The following DIS3L2 variants were observed in gnomAD, a reference collection of about 807,000 sequenced individuals.
The protein encoded by DIS3L2 is DIS3-like exonuclease 2.
In DIS3L2, 34 loss-of-function variants were observed where a neutral mutation model predicts 97.5. The observed-to-expected ratio is 0.35, with a 90% CI of 0.27 to 0.46. The LOEUF (loss-of-function observed/expected upper bound fraction) is 0.46, where lower values mean the gene tolerates loss of function less well. Among genes scored for constraint, DIS3L2 ranks in the 20% least tolerant of loss-of-function variants. DIS3L2 has a pLI of 1.00. For synonymous variants in DIS3L2, 435 were observed against 445.2 expected, an observed-to-expected ratio of 0.98 and a Z score of 0.29; for missense variants, 1,038 against 1,146.0, an observed-to-expected ratio of 0.91 and a Z score of 1.36.
intron 9 of DIS3L2, among the ~76,000 whole-genome samples, chr2:232,203,632 C>A (rs1424362626): frequency 6.6e-6 from 1 of 152,096 alleles, no homozygotes; most frequent in Non-Finnish European, 1.5e-5. Flanking sequence ...AATCTCATTA[C>A]CAGACCTGAT....
chr2:232,338,902 A>C (rs1201554335), downstream of DIS3L2, among the ~76,000 whole-genome samples: 1 of 152,288 alleles, frequency 6.6e-6, no homozygotes, highest in Admixed American at 6.5e-5. Flanking sequence ...CCTGCCGGCC[A>C]GGGCCCGGGC....
At chr2:231,965,680 A>G (rs1007246686) in intron 1 of DIS3L2, among the ~76,000 whole-genome samples, 3 of 152,190 alleles carry the variant, frequency 2.0e-5, no homozygotes, top group African/African-American at 7.2e-5. Context: ...GAGTGAATGC[A>G]CATATGATCT....
intron 10 of DIS3L2, among the ~76,000 whole-genome samples, chr2:232,220,289 A>G (rs899689448): frequency 6.6e-6 from 1 of 152,002 alleles, no homozygotes; most frequent in African/African-American, 2.4e-5. Flanking sequence ...AGGCTGGGCA[A>G]TACAGTGAGG....
intron 15 of DIS3L2, 122 bp downstream of exon 15, chr2:232,330,118 C>T (rs948755408): frequency 8.0e-7 from 1 of 1,243,288 alleles, no homozygotes; most frequent in Non-Finnish European, 1.1e-6. Context: ...AGCCAGGTCT[C>T]TCCTGTAGGG....
At chr2:232,157,945 A>T (rs1690542648) in intron 8 of DIS3L2, among the ~76,000 whole-genome samples, 1 of 152,218 alleles carries the variant, frequency 6.6e-6, no homozygotes, top group South Asian at 2.1e-4. Flanking sequence ...CATGGAGCAC[A>T]AATAGTTATA....
chr2:232,286,073 C>T (rs1694422553), intron 13 of DIS3L2, among the ~76,000 whole-genome samples: 1 of 152,200 alleles, frequency 6.6e-6, no homozygotes, highest in African/African-American at 2.4e-5. Context: ...CTGGGGTGGC[C>T]TCTTCCTTCC....
intron 5 of DIS3L2, among the ~76,000 whole-genome samples, chr2:232,073,792 A>G (rs1044304337): frequency 6.6e-6 from 1 of 152,236 alleles, no homozygotes; most frequent in Non-Finnish European, 1.5e-5. Flanking sequence ...GGAAGGGAAG[A>G]AAAACCTAAT....
downstream of DIS3L2, among the ~76,000 whole-genome samples, chr2:232,341,397 C>T (rs552721189): frequency 1.3e-5 from 2 of 152,320 alleles, no homozygotes; most frequent in South Asian, 2.1e-4. Context: ...CATAGAGCCT[C>T]GGGTTGGATT....
intron 9 of DIS3L2, among the ~76,000 whole-genome samples, chr2:232,202,784 T>C (rs1369038841): frequency 1.3e-5 from 2 of 152,216 alleles, no homozygotes; most frequent in Non-Finnish European, 2.9e-5. Flanking sequence ...CATAGACTTT[T>C]CCTGTTGTGA....
At chr2:232,118,786 C>T (rs1697806039) in intron 6 of DIS3L2, among the ~76,000 whole-genome samples, 1 of 152,212 alleles carries the variant, frequency 6.6e-6, no homozygotes, top group Non-Finnish European at 1.5e-5. Flanking sequence ...GCCTGATTTG[C>T]ACTTAGAGCT....
intron 9 of DIS3L2, among the ~76,000 whole-genome samples, chr2:232,184,743 T>G (rs758461821): frequency 5.3e-5 from 8 of 152,194 alleles, no homozygotes; most frequent in Non-Finnish European, 1.0e-4. Flanking sequence ...AGCCTGACAT[T>G]CGTATTAGGG....
intron 8 of DIS3L2, among the ~76,000 whole-genome samples, chr2:232,137,951 G>A (rs1268105569): frequency 1.3e-5 from 2 of 152,258 alleles, no homozygotes; most frequent in South Asian, 2.1e-4. Context: ...GCCCAGTAAC[G>A]GTTGTGCCAC....
In DIS3L2 at chr2:232,219,221, C is replaced by A. The variant is rs60410860; in HGVS notation, c.1204+8816C>A. On this transcript the variant is annotated intron_variant, in intron 10 of 20. Transcript: ENST00000325385. ...ATGTCTTGGATATAGCAATAACCAT[C>A]ATTACTTCTGGATTTAATTCCCTTT... 7.8e-3 allele frequency among the ~76,000 whole-genome samples: 1,191 copies of A among 152,352 alleles called. 27 individuals carry two copies. The highest frequency in any genetic ancestry group is 0.028 in the African/African-American group (1,144 of 41,582).
At chr2:232,017,487 T>C (rs1204230194) in intron 3 of DIS3L2, among the ~76,000 whole-genome samples, 1 of 152,168 alleles carries the variant, frequency 6.6e-6, no homozygotes, top group African/African-American at 2.4e-5. Flanking sequence ...TGGATGTTAG[T>C]CCATTCATTA....
At chr2:232,126,861 C>T (rs1284371885) in intron 6 of DIS3L2, among the ~76,000 whole-genome samples, 2 of 152,208 alleles carry the variant, frequency 1.3e-5, no homozygotes, top group Non-Finnish European at 2.9e-5. Context: ...AAATCTTTTA[C>T]TGGGCCTTTA....
At chr2:232,224,742 G>A (rs1313421258) in intron 10 of DIS3L2, among the ~76,000 whole-genome samples, 1 of 151,888 alleles carries the variant, frequency 6.6e-6, no homozygotes, top group African/African-American at 2.4e-5. Flanking sequence ...GGGAGGCTGA[G>A]GCATGAGAAT....
chr2:232,292,055 A>G lies in DIS3L2; in HGVS notation c.1660-7985A>G, dbSNP rs1694614244. 6.6e-6 allele frequency among the ~76,000 whole-genome samples: 1 copy of G among 151,980 alleles called. No individual in the cohort carries two copies. The highest frequency in any genetic ancestry group is 1.5e-5 in the Non-Finnish European group (1 of 68,002). On this transcript the variant is annotated intron_variant, in intron 13 of 20. Coordinates refer to ENST00000325385, the MANE Select transcript of DIS3L2 (RefSeq NM_152383.5). This position sits in a 1 kb window ranked among gnomAD's most constrained non-coding sequence, Gnocchi z 4.4. ...GTGTGCCTGGGCCAGCCAAAGATCT[A>G]CCTGTTCAGTAGCCCAGAGGGACCC...
At chr2:232,040,922 G>A (rs539670654) in intron 5 of DIS3L2, among the ~76,000 whole-genome samples, 1 of 152,304 alleles carries the variant, frequency 6.6e-6, no homozygotes, top group Admixed American at 6.5e-5. Context: ...GATATTGTCA[G>A]TGTCATAATA....
chr2:232,181,410 C>T (rs976636724), intron 9 of DIS3L2, among the ~76,000 whole-genome samples: 22 of 152,132 alleles, frequency 1.4e-4, no homozygotes, highest in African/African-American at 4.6e-4. Flanking sequence ...AGAGTGTTTT[C>T]CAACTTGGTT....
Sources: gnomAD v4.1 joint callset for allele counts (sites outside exome capture counted in the v4.1 genomes callset) on GRCh38, gnomAD v4.1.1 for gene constraint, Gnocchi (gnomAD v3.1) non-coding constraint, MANE v1.5 for transcripts, NCBI Gene and HGNC (gene_info 2026-07-23, HGNC 2026-07-21) for gene names.